The following TIE1 variants were observed in gnomAD, a reference collection of about 807,000 sequenced individuals.
TIE1 encodes tyrosine kinase with immunoglobulin like and EGF like domains 1, also known as tyrosine-protein kinase receptor Tie-1.
Under a neutral mutation model 130.5 loss-of-function variants are expected in TIE1, and 89 were observed. The observed-to-expected ratio is 0.68, with a 90% CI of 0.57 to 0.81. The LOEUF (loss-of-function observed/expected upper bound fraction) is 0.81, where lower values mean the gene tolerates loss of function less well. Among genes scored for constraint, TIE1 ranks in the 40% least tolerant of loss-of-function variants. The pLI, the probability that TIE1 is intolerant of heterozygous loss-of-function variation, is 0.00. For missense variants in TIE1, 1,392 were observed against 1,559.8 expected, an observed-to-expected ratio of 0.89 and a Z score of 1.81; for synonymous variants, 568 against 629.4, an observed-to-expected ratio of 0.90 and a Z score of 1.46.
rs1318415454 is a variant in TIE1 at position 43,321,445 on chromosome 1, GC to G, written c.3202del (p.Gln1068ArgfsTer18). On this transcript the variant is annotated frameshift_variant, in exon 21 of 23. Coordinates refer to ENST00000372476, the MANE Select transcript of TIE1 (RefSeq NM_005424.5). LOFTEE classifies it high-confidence loss of function. ...CCTGTGCCGAGCTCTATGAAAAGCT[GC>G]CCCAGGGCTACCGCATGGAGCAGCC... ...MTCAELYEKL[P>X]QGYRMEQPRN... The G allele has an allele frequency of 6.2e-7, 1 of 1,614,050 alleles. No homozygotes were observed. Among genetic ancestry groups the G allele is most frequent in the South Asian group, 1.1e-5 (1 of 91,084 alleles).
chr1:43,302,494 T>G (rs1276511590), intron 1 of TIE1: 1 of 151,514 alleles, frequency 6.6e-6, no homozygotes, highest in African/African-American at 2.4e-5. Flanking sequence ...TGAGGAGGAG[T>G]TCAGCTTACA....
Position 43,317,752 on chromosome 1 carries a change from G to T in TIE1, c.2731+78G>T. ...ATCACCTCCACCACATGAGTAGCTT[G>T]CCAGGGGCTGCTGGTGACCTGTGCA... On this transcript the variant is annotated intron_variant, in intron 16 of 22. Coordinates refer to ENST00000372476, the MANE Select transcript of TIE1 (RefSeq NM_005424.5). The surrounding 1 kb of genome is among the most constrained non-coding windows in gnomAD (Gnocchi z 5.1). The T allele has an allele frequency of 1.4e-6, 2 of 1,464,788 alleles. No individual in the cohort carries two copies. The highest frequency in any genetic ancestry group is 1.9e-6 in the Non-Finnish European group (2 of 1,065,838). The allele number at this position is 1,464,788 out of a possible 1,614,324, so 90.7% of individuals were successfully genotyped here.
Position 43,317,665 on chromosome 1 carries a change from A to G in TIE1, c.2722A>G (p.Lys908Glu). ...CATCATCAACCTCCTGGGGGCCTGT[A>G]AGAACCGAGGTGAGCCCCCAGCTCA... is the stretch of plus-strand genomic sequence containing the variant. ...PNIINLLGACKNRGYLYIAIE... is the reference protein window; with the variant it reads ...PNIINLLGACENRGYLYIAIE... The change falls in exon 16 of 23, where the codon AAG becomes GAG. Residue 908 changes from lysine (K) to glutamate (E), a missense_variant. Lys to Glu is a moderately conservative substitution (Grantham distance 56, BLOSUM62 1). Around this residue, in one of 6 missense-constraint regions of TIE1, gnomAD observed 286 missense variants for 354.4 expected, o/e 0.81. Coordinates refer to ENST00000372476, the MANE Select transcript of TIE1 (RefSeq NM_005424.5). This position sits in a 1 kb window ranked among gnomAD's most constrained non-coding sequence, Gnocchi z 5.1. The G allele has an allele frequency of 6.3e-7, 1 of 1,584,034 alleles. No homozygotes were observed. Among genetic ancestry groups the G allele is most frequent in the South Asian group, 1.2e-5 (1 of 86,018 alleles).
Position 43,319,295 on chromosome 1 carries a change from A to G in TIE1, c.2983A>G (p.Ile995Val). ...VLVGENLASK[I>V]ADFGLSRGEE... The stretch of plus-strand genomic sequence containing the variant: ...GGTCGGAGAGAACCTAGCCTCCAAG[A>G]TTGCAGACTTCGGCCTTTCTCGGGG... The change falls in exon 18 of 23, where the codon ATT becomes GTT. Residue 995 changes from isoleucine (I) to valine (V), a missense_variant. Ile to Val is a conservative substitution (Grantham distance 29). Around this residue, in one of 6 missense-constraint regions of TIE1, gnomAD observed 286 missense variants for 354.4 expected, o/e 0.81. Coordinates refer to ENST00000372476, the MANE Select transcript of TIE1 (RefSeq NM_005424.5). This position sits in a 1 kb window ranked among gnomAD's most constrained non-coding sequence, Gnocchi z 4.7. The G allele has an allele frequency of 1.2e-6, 2 of 1,613,868 alleles. No homozygotes were observed. Among genetic ancestry groups the G allele is most frequent in the Non-Finnish European group, 1.7e-6 (2 of 1,179,954 alleles).
chr1:43,319,424 T>C lies in TIE1; in HGVS notation c.3037-35T>C. The C allele has an allele frequency of 5.6e-6, 9 of 1,613,626 alleles. No homozygotes were observed. Among genetic ancestry groups the C allele is most frequent in the Non-Finnish European group, 7.6e-6 (9 of 1,179,580 alleles). On this transcript the variant is annotated intron_variant, in intron 18 of 22. Coordinates refer to ENST00000372476, the MANE Select transcript of TIE1 (RefSeq NM_005424.5). The surrounding 1 kb of genome is among the most constrained non-coding windows in gnomAD (Gnocchi z 4.7). ...ACAGGAGCCTCAAACAGGCCCTTCCTCCACACTCAGCCCCTCAAACCCATT... is the reference window on the plus strand; with the variant it reads ...ACAGGAGCCTCAAACAGGCCCTTCCCCCACACTCAGCCCCTCAAACCCATT...
chr1:43,309,198 C>A lies in TIE1; in HGVS notation c.1188+67C>A. 1 of 1,531,146 alleles carries A rather than the reference C, an allele frequency of 6.5e-7. No homozygotes were observed. Among genetic ancestry groups the A allele is most frequent in the Non-Finnish European group, 8.8e-7 (1 of 1,138,152 alleles). The allele number at this position is 1,531,146 out of a possible 1,614,324, so 94.8% of individuals were successfully genotyped here. A position where few individuals can be genotyped will look rare whatever the true frequency, so the allele number is the denominator to read the frequency against. Reference sequence around the variant, plus strand: ...CCTGCTTCACAGCTGATCCCTAAGACCCCCTAGTCCCTCAGAACTTTCTGC... The same window carrying A: ...CCTGCTTCACAGCTGATCCCTAAGAACCCCTAGTCCCTCAGAACTTTCTGC... On this transcript the variant is annotated intron_variant, in intron 8 of 22. Transcript: ENST00000372476. This position sits in a 1 kb window ranked among gnomAD's most constrained non-coding sequence, Gnocchi z 6.3.
chr1:43,305,030 C>A lies in TIE1; in HGVS notation c.238C>A (p.Leu80Met). Reference sequence around the variant, plus strand: ...CACCCCGCCCGGGCCACCCCTGCGCCTGGCGCGCAACGGTTCGCACCAGGT... The same window carrying A: ...CACCCCGCCCGGGCCACCCCTGCGCATGGCGCGCAACGGTTCGCACCAGGT... The part of the protein sequence containing the change: ...VRTPPGPPLR[L>M]ARNGSHQVTL... Residue 80 changes from leucine to methionine, a missense_variant, in exon 2 of 23, where the codon CTG (leucine) becomes ATG (methionine). Leu to Met is a conservative substitution (Grantham distance 15). Around this residue, in one of 6 missense-constraint regions of TIE1, gnomAD observed 415 missense variants for 424.8 expected, o/e 0.98. Coordinates refer to ENST00000372476, the MANE Select transcript of TIE1 (RefSeq NM_005424.5). 6.3e-7 allele frequency: 1 copy of A among 1,583,554 alleles called. No homozygotes were observed. Among genetic ancestry groups the A allele is most frequent in the African/African-American group, 1.3e-5 (1 of 74,298 alleles).
rs769891466 is a variant in TIE1 at position 43,313,761 on chromosome 1, C to T, written c.2219-17C>T. 6.2e-7 allele frequency: 1 copy of T among 1,601,302 alleles called. No homozygotes were observed. Among genetic ancestry groups the T allele is most frequent in the Non-Finnish European group, 8.5e-7 (1 of 1,172,442 alleles). On this transcript the variant is annotated splice_polypyrimidine_tract_variant and intron_variant, in intron 13 of 22. Transcript: ENST00000372476. The surrounding 1 kb of genome is among the most constrained non-coding windows in gnomAD (Gnocchi z 6.2). ...GACCCAGGTGTCCCCACAATCTGCC[C>T]CTCTCACTGTGTCCAGGGCTGCAGG...
rs1374313503 is a variant in TIE1 at position 43,316,040 on chromosome 1, C to T, written c.2410-1159C>T. ...TGCCATTGCCCTTCCGCCTGGGCAACAGAGCGAGACCTTGTCTCAAAACAA... is the reference window on the plus strand; with the variant it reads ...TGCCATTGCCCTTCCGCCTGGGCAATAGAGCGAGACCTTGTCTCAAAACAA... On this transcript the variant is annotated intron_variant, in intron 14 of 22. Transcript: ENST00000372476. This position sits in a 1 kb window ranked among gnomAD's most constrained non-coding sequence, Gnocchi z 4.4. Among the ~76,000 whole-genome samples the T allele has an allele frequency of 6.6e-6, 1 of 152,186 alleles. No individual in the cohort carries two copies. The highest frequency in any genetic ancestry group is 1.9e-4 in the East Asian group (1 of 5,186).
rs768947620 is a variant in TIE1, at chr1:43,321,261, T to C, written c.3108-8T>C. On this transcript the variant is annotated splice_region_variant and splice_polypyrimidine_tract_variant and intron_variant, in intron 19 of 22. Transcript: ENST00000372476. ...AGAAGGTAACTAAGTGCATCCTTCTTATTTCAGCTGGTCCTTTGGAGTCCT... is the reference window on the plus strand; with the variant it reads ...AGAAGGTAACTAAGTGCATCCTTCTCATTTCAGCTGGTCCTTTGGAGTCCT... The C allele has an allele frequency of 2.5e-6, 4 of 1,614,074 alleles. No individual in the cohort carries two copies. The Admixed American group carries it at 6.7e-5, about 27-fold the overall frequency.
Sources: gnomAD v4.1 joint callset for allele counts (sites outside exome capture counted in the v4.1 genomes callset) on GRCh38, gnomAD v4.1.1 for gene constraint, gnomAD v4.1.1 regional missense constraint, Gnocchi (gnomAD v3.1) non-coding constraint, MANE v1.5 for transcripts, NCBI Gene and HGNC (gene_info 2026-07-23, HGNC 2026-07-21) for gene names.